The following DENND3 variants were observed in gnomAD, a reference collection of about 807,000 sequenced individuals.
DENND3 encodes DENN domain containing 3.
In DENND3, 88 loss-of-function variants were observed where a neutral mutation model predicts 135.1. The observed-to-expected ratio is 0.65, with a 90% CI of 0.55 to 0.78. DENND3 has a LOEUF of 0.78. Among genes scored for constraint, DENND3 ranks in the 30% least tolerant of loss-of-function variants. DENND3 has a pLI of 0.00. For missense variants in DENND3, 1,392 were observed against 1,688.4 expected, an observed-to-expected ratio of 0.82 and a Z score of 3.08; for synonymous variants, 693 against 712.3, an observed-to-expected ratio of 0.97 and a Z score of 0.43.
At chr8:141,187,651 G>A (rs1459483619) in intron 18 of DENND3, among the ~76,000 whole-genome samples, 1 of 105,292 alleles carries the variant, frequency 9.5e-6, no homozygotes, top group Non-Finnish European at 1.7e-5. Flanking sequence ...ACCACCAAGA[G>A]GGTGGGACCA....
chr8:141,182,421 C>T lies in DENND3; in HGVS notation c.2944+1567C>T, dbSNP rs1471959308. 1 of 985,446 alleles carries T rather than the reference C, an allele frequency of 1.0e-6. No individual in the cohort carries two copies. The allele number at this position is 985,446 out of a possible 1,614,324, so 61.0% of individuals were successfully genotyped here. On this transcript the variant is annotated intron_variant, in intron 17 of 22. Coordinates refer to ENST00000519811, the MANE Select transcript of DENND3 (RefSeq NM_001352890.3). The surrounding 1 kb of genome is among the most constrained non-coding windows in gnomAD (Gnocchi z 5.9). ...CTACCTGATGTGTCTAAGCCAGGCT[C>T]TGTGCTGACTTCGCCAGAGATGACT... is the stretch of plus-strand genomic sequence containing the variant.
rs1268718444 is a variant in DENND3 at position 141,174,876 on chromosome 8, T to G, written c.2276-324T>G. ...TTTGCCCCCATTAGAAGAGTGTCCT[T>G]GTCCGGAAGGACTTTCCTACCCAAA... On this transcript the variant is annotated intron_variant, in intron 13 of 22. Coordinates refer to ENST00000519811, the MANE Select transcript of DENND3 (RefSeq NM_001352890.3). The surrounding 1 kb of genome is among the most constrained non-coding windows in gnomAD (Gnocchi z 4.6). Among the ~76,000 whole-genome samples the G allele has an allele frequency of 6.6e-6, 1 of 152,104 alleles. No homozygotes were observed. Among genetic ancestry groups the G allele is most frequent in the Non-Finnish European group, 1.5e-5 (1 of 68,032 alleles).
chr8:141,158,204 T>C (rs1348812278), intron 8 of DENND3: 1 of 1,289,708 alleles, frequency 7.8e-7, no homozygotes, highest in East Asian at 5.6e-5. Flanking sequence ...CAAGGGCACC[T>C]GAGCAGCTGT....
At chr8:141,186,904 C>T (rs963139725) in intron 18 of DENND3, among the ~76,000 whole-genome samples, 15 of 152,162 alleles carry the variant, frequency 9.9e-5, no homozygotes, top group Non-Finnish European at 8.8e-5. Context: ...GATCTGTGTG[C>T]GCTTCCCTGT....
At position 141,130,349 on chromosome 8, in the gene DENND3, C is replaced by T. The variant is rs902162161; in HGVS notation, c.102+1540C>T. Among the ~76,000 whole-genome samples, 9 of 152,226 alleles carry T rather than the reference C, an allele frequency of 5.9e-5. No homozygotes were observed. Among genetic ancestry groups the T allele is most frequent in the East Asian group, 5.8e-4 (3 of 5,180 alleles). On this transcript the variant is annotated intron_variant, in intron 1 of 22. Coordinates refer to ENST00000519811, the MANE Select transcript of DENND3 (RefSeq NM_001352890.3). This position sits in a 1 kb window ranked among gnomAD's most constrained non-coding sequence, Gnocchi z 4.2. ...CCTTTCAAAGTGCTGGGATTACAGG[C>T]GTGAGCCACTGCGCCTGGCCAGTGG...
In DENND3 at chr8:141,136,494, T is replaced by G; in HGVS notation, c.103-15T>G. 1 of 1,535,288 alleles carries G rather than the reference T, an allele frequency of 6.5e-7. No individual in the cohort carries two copies. Among genetic ancestry groups the G allele is most frequent in the South Asian group, 1.2e-5 (1 of 83,260 alleles). ...CTGAGGCTGTGGCAGTAACTCTTATTTTTCCCTTTTTTAGGTTGCTTATAA... is the reference window on the plus strand; with the variant it reads ...CTGAGGCTGTGGCAGTAACTCTTATGTTTCCCTTTTTTAGGTTGCTTATAA... On this transcript the variant is annotated splice_polypyrimidine_tract_variant and intron_variant, in intron 1 of 22. Transcript: ENST00000519811.
At chr8:141,187,626 T>G (rs938413937) in intron 18 of DENND3, among the ~76,000 whole-genome samples, 1 of 150,412 alleles carries the variant, frequency 6.6e-6, no homozygotes, top group African/African-American at 2.5e-5. Flanking sequence ...ACAAATACTG[T>G]GAACTCAAAT....
At chr8:141,158,449 G>A (rs976660665) in intron 8 of DENND3, among the ~76,000 whole-genome samples, 4 of 152,172 alleles carry the variant, frequency 2.6e-5, no homozygotes, top group East Asian at 1.9e-4. Context: ...CACACGATAC[G>A]GAGGCTGGGC....
intron 11 of DENND3, 121 bp downstream of exon 11, chr8:141,165,410 CATG>C (rs2154613145): frequency 1.4e-6 from 1 of 696,876 alleles, no homozygotes; most frequent in South Asian, 1.8e-5. Context: ...CTTAGAAACT[CATG>C]ATGAACTGGG....
At position 141,141,492 on chromosome 8, in the gene DENND3, T is replaced by C; in HGVS notation, c.623+168T>C. 1 of 629,070 alleles carries C rather than the reference T, an allele frequency of 1.6e-6. No homozygotes were observed. The highest frequency in any genetic ancestry group is 2.5e-6 in the Non-Finnish European group (1 of 395,468). 39.0% of individuals were successfully genotyped at this position (629,070 alleles called of 1,614,324 possible). ...GGGCAGTAGGAGGGGCAGTTCTCTG[T>C]GCCTCTTAGGCTGTTGCTTAAGGCT... On this transcript the variant is annotated intron_variant, in intron 4 of 22. Transcript: ENST00000519811. This position sits in a 1 kb window ranked among gnomAD's most constrained non-coding sequence, Gnocchi z 5.3.
chr8:141,136,279 C>T (rs1275854459), intron 1 of DENND3, among the ~76,000 whole-genome samples: 1 of 152,154 alleles, frequency 6.6e-6, no homozygotes, highest in East Asian at 1.9e-4. Context: ...CTGTCCATGT[C>T]CACAGCTGAA....
At chr8:141,149,995 C>T (rs1818592484) in intron 5 of DENND3, among the ~76,000 whole-genome samples, 3 of 152,360 alleles carry the variant, frequency 2.0e-5, no homozygotes, top group East Asian at 1.9e-4. Flanking sequence ...CTCCCTGCTT[C>T]GCTTGATTTC....
chr8:141,175,228 A>T lies in DENND3; in HGVS notation c.2304A>T (p.Thr768=). The change falls in exon 14 of 23, where the codon ACA becomes ACT. Residue 768 remains threonine (T), a synonymous_variant. Transcript: ENST00000519811. The surrounding 1 kb of genome is among the most constrained non-coding windows in gnomAD (Gnocchi z 5.4). The part of the protein sequence containing the change: ...VGQEKQIDPE[T]FKDFYNCWKE... ...AGGAGAAACAAATCGACCCAGAAAC[A>T]TTCAAAGATTTCTACAACTGCTGGA... The T allele has an allele frequency of 6.2e-7, 1 of 1,614,124 alleles. No homozygotes were observed. Among genetic ancestry groups the T allele is most frequent in the East Asian group, 2.2e-5 (1 of 44,878 alleles).
At chr8:141,158,577 A>G (rs1819732133) in intron 8 of DENND3, among the ~76,000 whole-genome samples, 1 of 152,208 alleles carries the variant, frequency 6.6e-6, no homozygotes, top group South Asian at 2.1e-4. Context: ...TGACCTGTCT[A>G]TAAGAGGCCT....
chr8:141,129,529 T>C (rs1815676619), intron 1 of DENND3: 1 of 152,186 alleles, frequency 6.6e-6, no homozygotes, highest in Admixed American at 6.5e-5. Flanking sequence ...TTCCTTTTTC[T>C]TCCCCAGCTT....
chr8:141,171,003 G>T (rs1178038717), intron 13 of DENND3, among the ~76,000 whole-genome samples: 1 of 152,154 alleles, frequency 6.6e-6, no homozygotes, highest in Non-Finnish European at 1.5e-5. Context: ...CCAGTTGCAA[G>T]GGAGCCCGGG....
At position 141,138,108 on chromosome 8, in the gene DENND3, G is replaced by A. The variant is rs902931218; in HGVS notation, c.472G>A (p.Val158Met). Residue 158 changes from valine (V) to methionine (M), a missense_variant, in exon 3 of 23, where the codon GTG becomes ATG. Transcript: ENST00000519811. The surrounding 1 kb of genome is among the most constrained non-coding windows in gnomAD (Gnocchi z 4.8). ...TDVCGNRTYG[V>M]VAQYYRPLHD... ...TGTCTGCGGGAATAGGACCTATGGC[G>A]TGGTGGCCCAGTACTACCGGCCCCT... is the stretch of plus-strand genomic sequence containing the variant. The A allele has an allele frequency of 1.7e-5, 28 of 1,609,036 alleles. No homozygotes were observed. The highest frequency in any genetic ancestry group is 1.6e-4 in the Middle Eastern group (1 of 6,072).
intron 18 of DENND3, among the ~76,000 whole-genome samples, chr8:141,187,052 T>A (rs1237426280): frequency 6.6e-6 from 1 of 152,156 alleles, no homozygotes; most frequent in South Asian, 2.1e-4. Flanking sequence ...TAAATTGCAT[T>A]TTATAGTTTT....
chr8:141,185,135 T>C lies in DENND3; in HGVS notation c.2945-4T>C. The C allele has an allele frequency of 6.2e-7, 1 of 1,613,056 alleles. No individual in the cohort carries two copies. Among genetic ancestry groups the C allele is most frequent in the South Asian group, 1.1e-5 (1 of 91,032 alleles). ...TAACAGTTTTGTGCTGCTCTCCTCT[T>C]TAGGGCATCTTGACCCAGCCGAAAA... On this transcript the variant is annotated splice_region_variant and splice_polypyrimidine_tract_variant and intron_variant, in intron 17 of 22. Coordinates refer to ENST00000519811, the MANE Select transcript of DENND3 (RefSeq NM_001352890.3).
Sources: allele counts gnomAD v4.1 joint callset (sites outside exome capture counted in the v4.1 genomes callset), GRCh38; gene constraint gnomAD v4.1.1; non-coding constraint Gnocchi (gnomAD v3.1); transcripts MANE v1.5; gene names NCBI Gene and HGNC (gene_info 2026-07-23, HGNC 2026-07-21).